SPATA16: variants seen among roughly 807,000 people sequenced by gnomAD.
SPATA16 encodes spermatogenesis-associated protein 16.
A neutral mutation model predicts 63.3 loss-of-function variants in SPATA16; 36 were observed. The ratio of observed to expected loss-of-function variants is 0.57; its 90% CI spans 0.44 to 0.75. The LOEUF is 0.75. SPATA16 is among the 30% of genes least tolerant of loss of function. The pLI is 0.00. For synonymous variants in SPATA16, 203 were observed against 216.7 expected, an observed-to-expected ratio of 0.94 and a Z score of 0.56; for missense variants, 646 against 679.3, an observed-to-expected ratio of 0.95 and a Z score of 0.54.
intron 2 of SPATA16, among the ~76,000 whole-genome samples, chr3:173,056,745 AT>A (rs1560108989): frequency 6.8e-6 from 1 of 147,174 alleles, no homozygotes; most frequent in Non-Finnish European, 1.5e-5. Flanking sequence ...GTGGTTGAGT[AT>A]ACATTTTTTG....
intron 3 of SPATA16, among the ~76,000 whole-genome samples, chr3:173,046,538 G>T (rs1170578015): frequency 6.6e-6 from 1 of 151,872 alleles, no homozygotes; most frequent in Non-Finnish European, 1.5e-5. Context: ...ATATGCAGTA[G>T]ACCTCACATT....
intron 2 of SPATA16, among the ~76,000 whole-genome samples, chr3:173,072,065 A>G (rs1260862060): frequency 6.6e-6 from 1 of 152,232 alleles, no homozygotes; most frequent in East Asian, 1.9e-4. Context: ...ATTACTGGAT[A>G]TGTATCCAAA....
At chr3:173,094,899 C>T (rs1737316019) in intron 2 of SPATA16, among the ~76,000 whole-genome samples, 1 of 152,066 alleles carries the variant, frequency 6.6e-6, no homozygotes. Flanking sequence ...CACATGTTCA[C>T]GTTAATGTGT....
intron 10 of SPATA16, among the ~76,000 whole-genome samples, chr3:172,892,869 G>T (rs77477103): frequency 0.11 from 17,074 of 152,152 alleles, 998 homozygotes; most frequent in African/African-American, 0.14. Context: ...AATTTTCCCC[G>T]TTGAAAAATG....
At chr3:173,100,660 GCACACACACACACA>G (rs3980195) in intron 2 of SPATA16, among the ~76,000 whole-genome samples, 5,167 of 134,154 alleles carry the variant, frequency 0.039, 114 homozygotes, top group African/African-American at 0.05. Flanking sequence ...CACATAAACA[GCACACACACACACA>G]CACACACACA....
intron 1 of SPATA16, among the ~76,000 whole-genome samples, chr3:173,133,442 C>A (rs1015268508): frequency 1.3e-5 from 2 of 152,172 alleles, no homozygotes; most frequent in Non-Finnish European, 2.9e-5. Flanking sequence ...TCTTCATCAC[C>A]ACAGCCATGT....
At chr3:172,898,902 T>A (rs549620728) in intron 10 of SPATA16, among the ~76,000 whole-genome samples, 2 of 151,936 alleles carry the variant, frequency 1.3e-5, no homozygotes, top group African/African-American at 4.8e-5. Context: ...AATTTTGATA[T>A]ATTTTCATTT....
At chr3:173,100,218 C>T (rs942052876) in intron 2 of SPATA16, among the ~76,000 whole-genome samples, 8 of 152,174 alleles carry the variant, frequency 5.3e-5, no homozygotes, top group African/African-American at 1.9e-4. Context: ...TCAAATATCA[C>T]AGCACAATAT....
intron 5 of SPATA16, among the ~76,000 whole-genome samples, chr3:172,961,687 G>T (rs1733789008): frequency 6.6e-6 from 1 of 152,046 alleles, no homozygotes; most frequent in Non-Finnish European, 1.5e-5. Flanking sequence ...AGCCACCATG[G>T]CCGGCCTTCT....
At chr3:173,100,531 G>A (rs1159868682) in intron 2 of SPATA16, among the ~76,000 whole-genome samples, 1 of 151,862 alleles carries the variant, frequency 6.6e-6, no homozygotes, top group Non-Finnish European at 1.5e-5. Context: ...CGTTCTGCTT[G>A]GCATTTTAAA....
rs1737935062 is a variant in SPATA16, at chr3:173,117,446, T to C, written c.286A>G (p.Lys96Glu). The C allele has an allele frequency of 1.9e-6, 3 of 1,614,074 alleles. No individual in the cohort carries two copies. The highest frequency in any genetic ancestry group is 2.5e-6 in the Non-Finnish European group (3 of 1,180,022). The change falls in exon 2 of 11, where the codon AAA (lysine) becomes GAA (glutamate). Residue 96 changes from lysine to glutamate, a missense_variant. Coordinates refer to ENST00000351008, the MANE Select transcript of SPATA16 (RefSeq NM_031955.6). ...TCAAGTTCTGTTATCTTTGCCTGTT[T>C]CTTTCTAGTTGGCTTTTCTTCACCT... ...AEGEEKPTRK[K>E]QAKITELDNQ... is the part of the protein sequence containing the mutation.
At chr3:172,935,200 C>G (rs1478398899) in intron 6 of SPATA16, among the ~76,000 whole-genome samples, 1 of 152,102 alleles carries the variant, frequency 6.6e-6, no homozygotes, top group Non-Finnish European at 1.5e-5. Context: ...CATGGTGGTA[C>G]GTGTCAATAG....
At chr3:172,980,746 A>C (rs34946194) in intron 4 of SPATA16, among the ~76,000 whole-genome samples, 12,615 of 152,176 alleles carry the variant, frequency 0.083, 738 homozygotes, top group East Asian at 0.15. Flanking sequence ...CAGCATACAC[A>C]AATGCTGTTG....
At chr3:172,987,435 G>GGAC (rs1272316797) in intron 4 of SPATA16, among the ~76,000 whole-genome samples, 1 of 152,126 alleles carries the variant, frequency 6.6e-6, no homozygotes, top group African/African-American at 2.4e-5. Flanking sequence ...CTCCCATGAT[G>GGAC]GACAGTCAAG....
chr3:172,892,641 A>G (rs1017266705), intron 10 of SPATA16, among the ~76,000 whole-genome samples: 12 of 152,230 alleles, frequency 7.9e-5, no homozygotes, highest in African/African-American at 2.9e-4. Context: ...AAGGAAAGAA[A>G]AATGCTGGTT....
chr3:173,087,895 G>A (rs1322109607), intron 2 of SPATA16, among the ~76,000 whole-genome samples: 1 of 152,086 alleles, frequency 6.6e-6, no homozygotes, highest in Admixed American at 6.6e-5. Flanking sequence ...GAGGTCTGCT[G>A]TTAGTCTGAT....
intron 3 of SPATA16, among the ~76,000 whole-genome samples, chr3:173,029,117 A>T (rs988205193): frequency 3.9e-5 from 6 of 152,040 alleles, no homozygotes; most frequent in African/African-American, 1.4e-4. Flanking sequence ...CTTTCAGGAG[A>T]ATTTCCTTTT....
intron 3 of SPATA16, among the ~76,000 whole-genome samples, chr3:173,034,772 G>T (rs1430215956): frequency 6.6e-6 from 1 of 152,068 alleles, no homozygotes; most frequent in African/African-American, 2.4e-5. Flanking sequence ...ACTTTGATAT[G>T]GGAATTATCT....
intron 3 of SPATA16, among the ~76,000 whole-genome samples, chr3:173,045,867 T>G (rs1376949464): frequency 1.3e-5 from 2 of 152,134 alleles, no homozygotes; most frequent in Non-Finnish European, 2.9e-5. Context: ...ATTTAATAAG[T>G]TTTTTAAAAT....
Sources: gnomAD v4.1 joint callset for allele counts (sites outside exome capture counted in the v4.1 genomes callset) on GRCh38, gnomAD v4.1.1 for gene constraint, MANE v1.5 for transcripts, NCBI Gene and HGNC (gene_info 2026-07-23, HGNC 2026-07-21) for gene names.